The following NCOR2 variants were observed in gnomAD, a reference collection of about 807,000 sequenced individuals.
NCOR2 encodes the protein CTG repeat protein 26.
In NCOR2, 81 loss-of-function variants were observed where a neutral mutation model predicts 262.9. The ratio of observed to expected loss-of-function variants is 0.31; its 90% CI spans 0.26 to 0.37. NCOR2 has a LOEUF of 0.37. Ranked by LOEUF, NCOR2 falls within the 10% of genes least tolerant of loss-of-function variation. The probability of loss-of-function intolerance (pLI) is 1.00; values close to 1 mark genes in which losing one functional copy is unlikely to be tolerated. For missense variants in NCOR2, 3,385 were observed against 3,621.4 expected (o/e 0.93, Z 1.68); for synonymous variants, 1,659 against 1,559.3 (o/e 1.06, Z -1.51).
intron 17 of NCOR2, among the ~76,000 whole-genome samples, chr12:124,381,112 C>A (rs1401469338): frequency 6.6e-6 from 1 of 152,146 alleles, no homozygotes; most frequent in Non-Finnish European, 1.5e-5. Context: ...AGTCCTCCCC[C>A]TATCCATATG....
chr12:124,549,894 C>T lies in NCOR2; in HGVS notation c.-164-14283G>A, dbSNP rs1393778857. Among the ~76,000 whole-genome samples, 1 of 152,086 alleles carries T rather than the reference C, an allele frequency of 6.6e-6. No individual in the cohort carries two copies. The highest frequency in any genetic ancestry group is 1.5e-5 in the Non-Finnish European group (1 of 68,010). ...GCCTAGGGGAAGTACACGCTAGGTA[C>T]TTATGGCAAGTATGTGAATGAACAA... On this transcript the variant is annotated intron_variant, in intron 1 of 32. Coordinates refer to the NCOR2 transcript ENST00000458234. The surrounding 1 kb of genome is among the most constrained non-coding windows in gnomAD (Gnocchi z 4.4).
chr12:124,511,222 A>C (rs1012220928), intron 1 of NCOR2, among the ~76,000 whole-genome samples: 2 of 152,198 alleles, frequency 1.3e-5, no homozygotes, highest in African/African-American at 4.8e-5. Context: ...AAGGCAGCCG[A>C]GTGTCCCAAA....
chr12:124,337,005 C>A, exon 38 of NCOR2: 1 of 1,509,578 alleles, frequency 6.6e-7, no homozygotes. Flanking sequence ...GCGAGGAAGG[C>A]ATGGCCGGTG....
chr12:124,396,479 T>C (rs1398429167), intron 16 of NCOR2, among the ~76,000 whole-genome samples: 3 of 151,984 alleles, frequency 2.0e-5, no homozygotes, highest in Non-Finnish European at 4.4e-5. Flanking sequence ...CAATGTGGCC[T>C]CTCTGGGGGC....
chr12:124,385,853 G>A lies in NCOR2; in HGVS notation c.1911C>T (p.Ile637=), dbSNP rs201351745. Residue 637 remains isoleucine (I), a synonymous_variant, in exon 17 of 47, where the codon ATC becomes ATT. Transcript: ENST00000405201. ...CAGTCTTGGAGCCCACCATCCGGGC[G>A]ATGGCCGACCAGTTGCGGCCGTGTT... is the stretch of plus-strand genomic sequence containing the variant. 5.0e-4 allele frequency: 803 copies of A among 1,613,664 alleles called. 2 individuals carry two copies. Among genetic ancestry groups the A allele is most frequent in the Non-Finnish European group, 4.3e-4 (508 of 1,179,936 alleles).
rs1482692392 is a variant in NCOR2 at position 124,433,893 on chromosome 12, C to CAA, written c.883-3107_883-3106insTT. On this transcript the variant is annotated intron_variant, in intron 8 of 46. Transcript: ENST00000405201. ...ACACACACACACACACACACACACA[C>CAA]ACACACGCACACACACACACAGGGA... Among the ~76,000 whole-genome samples the CAA allele has an allele frequency of 1.7e-3, 215 of 123,524 alleles. 21 individuals carry two copies. Among genetic ancestry groups the CAA allele is most frequent in the African/African-American group, 7.3e-3 (180 of 24,798 alleles). 81.0% of individuals were successfully genotyped at this position (123,524 alleles called of 152,430 possible). A position where few individuals can be genotyped will look rare whatever the true frequency, so the allele number is the denominator to read the frequency against.
intron 13 of NCOR2, among the ~76,000 whole-genome samples, chr12:124,407,060 C>T (rs1366386892): frequency 6.6e-6 from 1 of 152,176 alleles, no homozygotes; most frequent in African/African-American, 2.4e-5. Context: ...CCTAGAAGGT[C>T]CTACAGCCAG....
intron 16 of NCOR2, among the ~76,000 whole-genome samples, chr12:124,391,029 C>T (rs796985137): frequency 6.6e-6 from 1 of 152,364 alleles, no homozygotes; most frequent in South Asian, 2.1e-4. Context: ...ACATGCCATC[C>T]GCGGGCCCAT....
At chr12:124,551,914 C>T (rs573910845) in intron 1 of NCOR2, among the ~76,000 whole-genome samples, 3 of 152,222 alleles carry the variant, frequency 2.0e-5, no homozygotes, top group African/African-American at 7.2e-5. Context: ...GAGACCCAGC[C>T]GGGAGAAATC....
Position 124,476,902 on chromosome 12 carries a change from T to TAAA in NCOR2, c.412-3774_412-3772dup, listed in dbSNP as rs60593594. ...CAACATAGCAAGACCCCATCTTTAT[T>TAAA]AAAAAAAAAAAAAAAAAAGGAATGA... On this transcript the variant is annotated intron_variant, in intron 3 of 46. Transcript: ENST00000405201. 5.2e-4 allele frequency among the ~76,000 whole-genome samples: 74 copies of TAAA among 142,506 alleles called. No individual in the cohort carries two copies. The East Asian group carries it at 6.2e-3, about 12-fold the overall frequency. 93.5% of individuals were successfully genotyped at this position (142,506 alleles called of 152,430 possible). A position where few individuals can be genotyped will look rare whatever the true frequency, so the allele number is the denominator to read the frequency against.
At position 124,479,330 on chromosome 12, in the gene NCOR2, GCA is replaced by G. The variant is rs147027235; in HGVS notation, c.411+4264_411+4265del. Among the ~76,000 whole-genome samples the G allele has an allele frequency of 5.6e-3, 838 of 150,258 alleles. 9 individuals are homozygous for G. The highest frequency in any genetic ancestry group is 0.02 in the African/African-American group (810 of 40,734). ...TGCACGGACACATGCACACACGTGC[GCA>G]CACAAACACACATACACACGTGCAA... On this transcript the variant is annotated intron_variant, in intron 3 of 46. Transcript: ENST00000405201.
At chr12:124,364,229 G>C (rs764604015) in intron 20 of NCOR2, among the ~76,000 whole-genome samples, 9 of 152,236 alleles carry the variant, frequency 5.9e-5, no homozygotes, top group Non-Finnish European at 1.2e-4. Flanking sequence ...GAAGCTGCCA[G>C]AAAGCCAAAG....
chr12:124,339,256 A>G (rs1032951241), intron 37 of NCOR2, among the ~76,000 whole-genome samples: 9 of 95,130 alleles, frequency 9.5e-5, no homozygotes, highest in Admixed American at 3.0e-4. Flanking sequence ...CCAGTCATCT[A>G]TCCTCTCACC....
intron 1 of NCOR2, among the ~76,000 whole-genome samples, chr12:124,487,102 C>T (rs532508653): frequency 6.6e-6 from 1 of 152,218 alleles, no homozygotes; most frequent in Non-Finnish European, 1.5e-5. Flanking sequence ...GCATACGGGG[C>T]AGCATTATTT....
intron 22 of NCOR2, among the ~76,000 whole-genome samples, chr12:124,358,022 ATG>A (rs138507431): frequency 4.2e-4 from 41 of 96,522 alleles, no homozygotes; most frequent in African/African-American, 7.7e-4. Flanking sequence ...ACGTGCGTGC[ATG>A]TGTGTGTGAG....
Position 124,528,800 on chromosome 12 carries a change from C to G in NCOR2, c.-118+6765G>C, listed in dbSNP as rs1186872492. On this transcript the variant is annotated intron_variant, in intron 1 of 46. Transcript: ENST00000404621. ...CTGAAGGAGGAGAAAGGGCACACAA[C>G]TCAGAGTCATGAGTTTCATTTCTTA... is the stretch of plus-strand genomic sequence containing the variant. 4.6e-5 allele frequency among the ~76,000 whole-genome samples: 7 copies of G among 152,252 alleles called. No homozygotes were observed. The East Asian group carries it at 1.3e-3, about 29-fold the overall frequency.
At chr12:124,355,182 T>G (rs1382258027) in intron 24 of NCOR2, 4 of 614,132 alleles carry the variant, frequency 6.5e-6, no homozygotes, top group Non-Finnish European at 1.1e-5. Flanking sequence ...AACAGGAGGT[T>G]AAGTAACTTG....
chr12:124,325,432 C>A, exon 47 of NCOR2: 3 of 1,082,616 alleles, frequency 2.8e-6, no homozygotes, highest in Non-Finnish European at 3.5e-6. Context: ...TCTCGTACTG[C>A]GAGCAGAGCA....
At chr12:124,536,790 T>G (rs2051127538), upstream of NCOR2, among the ~76,000 whole-genome samples, 1 of 152,220 alleles carries the variant, frequency 6.6e-6, no homozygotes. Flanking sequence ...GACTCAGTAA[T>G]TCAACTCCTA....
Sources: gnomAD v4.1 joint callset for allele counts (sites outside exome capture counted in the v4.1 genomes callset) on GRCh38, gnomAD v4.1.1 for gene constraint, Gnocchi (gnomAD v3.1) non-coding constraint, MANE v1.5 for transcripts, NCBI Gene and HGNC (gene_info 2026-07-23, HGNC 2026-07-21) for gene names.